The following PRRC2C variants were observed in gnomAD, a reference collection of about 807,000 sequenced individuals.
PRRC2C encodes the protein protein PRRC2C.
In PRRC2C, 72 loss-of-function variants were observed where a neutral mutation model predicts 317.2. The observed-to-expected ratio is 0.23, with a 90% CI of 0.19 to 0.28. The LOEUF (loss-of-function observed/expected upper bound fraction) is 0.28. Among genes scored for constraint, PRRC2C ranks in the 10% least tolerant of loss-of-function variants. The probability of loss-of-function intolerance (pLI) is 1.00; values close to 1 mark genes in which losing one functional copy is unlikely to be tolerated. For synonymous variants in PRRC2C, 1,296 were observed against 1,205.9 expected (o/e 1.07, Z -1.55); for missense variants, 3,074 against 3,459.7 (o/e 0.89, Z 2.80).
chr1:171,583,374 A>AG (rs869294326), intron 28 of PRRC2C, among the ~76,000 whole-genome samples: 1 of 136 alleles, frequency 7.4e-3, no homozygotes, highest in Non-Finnish European at 0.013. Flanking sequence ...ACATTAGGCT[A>AG]GGCTACGCAG....
intron 1 of PRRC2C, among the ~76,000 whole-genome samples, chr1:171,490,160 G>A (rs189987607): frequency 3.3e-5 from 5 of 152,156 alleles, no homozygotes; most frequent in Admixed American, 2.0e-4. Flanking sequence ...CTCGTGATCC[G>A]CCCACCTTGG....
At chr1:171,516,076 C>A (rs557998154) in intron 5 of PRRC2C, among the ~76,000 whole-genome samples, 109 of 152,298 alleles carry the variant, frequency 7.2e-4, no homozygotes, top group Admixed American at 1.2e-3. Context: ...TCGCATCCAA[C>A]TTACTAAATC....
At chr1:171,516,196 C>G (rs1672327964) in intron 5 of PRRC2C, among the ~76,000 whole-genome samples, 1 of 152,138 alleles carries the variant, frequency 6.6e-6, no homozygotes, top group Non-Finnish European at 1.5e-5. Flanking sequence ...TATTTACTTA[C>G]TACTGTATTA....
chr1:171,579,545 T>C, intron 27 of PRRC2C, 79 bp downstream of exon 27: 1 of 1,494,502 alleles, frequency 6.7e-7, no homozygotes, highest in Non-Finnish European at 8.9e-7. Context: ...GGAACATAAA[T>C]AATAGACTCT....
chr1:171,568,278 C>G lies in PRRC2C; in HGVS notation c.6590C>G (p.Ser2197Cys). 1 of 1,610,698 alleles carries G rather than the reference C, an allele frequency of 6.2e-7. No individual in the cohort carries two copies. Among genetic ancestry groups the G allele is most frequent in the Non-Finnish European group, 8.5e-7 (1 of 1,178,300 alleles). The change falls in exon 23 of 35, where the codon TCT becomes TGT. Residue 2197 changes from serine to cysteine, a missense_variant. Coordinates refer to ENST00000647382, the MANE Select transcript of PRRC2C (RefSeq NM_001387844.1). ...ESVTDYTTPSSSLPNTVATNN... is the reference protein window; with the variant it reads ...ESVTDYTTPSCSLPNTVATNN... ...GTAACAGACTATACTACACCCTCTT[C>G]TTCTTTGCCTAACACCGTGGCTACT...
chr1:171,511,280 T>C (rs1217913910), intron 1 of PRRC2C: 1 of 152,206 alleles, frequency 6.6e-6, no homozygotes. Context: ...ACATAATTTT[T>C]CTTTTTTGCC....
intron 9 of PRRC2C, among the ~76,000 whole-genome samples, chr1:171,524,448 C>T (rs1414255820): frequency 1.3e-5 from 2 of 152,132 alleles, no homozygotes; most frequent in African/African-American, 4.8e-5. Context: ...TGAAAAAATA[C>T]TGTAGTTTGA....
At chr1:171,503,544 C>T (rs989796143) in intron 1 of PRRC2C, among the ~76,000 whole-genome samples, 1 of 151,512 alleles carries the variant, frequency 6.6e-6, no homozygotes, top group African/African-American at 2.4e-5. Context: ...AAAGAAACTG[C>T]CAAATTGTTT....
At position 171,540,615 on chromosome 1, in the gene PRRC2C, T is replaced by C. The variant is rs1356979192; in HGVS notation, c.3149T>C (p.Val1050Ala). ...GAAAAGGTCACTGAAAAAGTAGTTG[T>C]AAAGCCTGAAAAGACGGAAAAGAAG... ...KAEKVTEKVVVKPEKTEKKDL... is the reference protein window; with the variant it reads ...KAEKVTEKVVAKPEKTEKKDL... The change falls in exon 16 of 35, where the codon GTA becomes GCA. Residue 1050 changes from valine to alanine, a missense_variant. Around this residue, in one of 11 missense-constraint regions of PRRC2C, gnomAD observed 1,320 missense variants for 1,395.7 expected, o/e 0.95. Coordinates refer to ENST00000647382, the MANE Select transcript of PRRC2C (RefSeq NM_001387844.1). The C allele has an allele frequency of 1.9e-6, 3 of 1,613,910 alleles. No homozygotes were observed. Among genetic ancestry groups the C allele is most frequent in the Non-Finnish European group, 2.5e-6 (3 of 1,179,894 alleles).
At chr1:171,561,498 G>C (rs747164694) in intron 20 of PRRC2C, among the ~76,000 whole-genome samples, 2 of 152,056 alleles carry the variant, frequency 1.3e-5, no homozygotes, top group Non-Finnish European at 2.9e-5. Context: ...TAACTTGGAG[G>C]GCAATTAAAA....
chr1:171,511,800 C>A, intron 1 of PRRC2C: 2 of 203,326 alleles, frequency 9.8e-6, no homozygotes, highest in Non-Finnish European at 2.0e-5. Context: ...GAATTATAAC[C>A]CTTATTCTCT....
Position 171,561,016 on chromosome 1 carries a change from A to G in PRRC2C, c.6032-2A>G, listed in dbSNP as rs779196854. 6.3e-7 allele frequency: 1 copy of G among 1,583,566 alleles called. No individual in the cohort carries two copies. Among genetic ancestry groups the G allele is most frequent in the Admixed American group, 1.7e-5 (1 of 59,982 alleles). On this transcript the variant is annotated splice_acceptor_variant, in intron 19 of 34. Coordinates refer to ENST00000647382, the MANE Select transcript of PRRC2C (RefSeq NM_001387844.1). LOFTEE classifies it high-confidence loss of function. ...ATGTTTTTTATGGCTTCTTCTTTCC[A>G]GTAGGTCCCATTAGTCCACCACAGC... is the stretch of plus-strand genomic sequence containing the variant.
chr1:171,567,510 A>G (rs1683904172), intron 22 of PRRC2C, among the ~76,000 whole-genome samples: 1 of 152,232 alleles, frequency 6.6e-6, no homozygotes, highest in South Asian at 2.1e-4. Context: ...ATACAGCTGA[A>G]TTCATATAAG....
chr1:171,523,038 AC>A (rs1451342077), intron 7 of PRRC2C, among the ~76,000 whole-genome samples, 182 bp from the exon 8 acceptor site: 3 of 152,188 alleles, frequency 2.0e-5, no homozygotes, highest in Non-Finnish European at 4.4e-5. Context: ...CTTAAGAGTT[AC>A]GTATTATCCT....
At chr1:171,487,750 T>C (rs1232366630) in intron 1 of PRRC2C, among the ~76,000 whole-genome samples, 1 of 152,168 alleles carries the variant, frequency 6.6e-6, no homozygotes, top group Non-Finnish European at 1.5e-5. Context: ...GCTTAGTGCA[T>C]AGTAAAAGGT....
At chr1:171,494,425 A>G (rs1667737186) in intron 1 of PRRC2C, among the ~76,000 whole-genome samples, 1 of 152,138 alleles carries the variant, frequency 6.6e-6, no homozygotes, top group South Asian at 2.1e-4. Flanking sequence ...AATTCAACAT[A>G]TGGTGGTATT....
chr1:171,585,484 T>C (rs1649675033), intron 30 of PRRC2C, among the ~76,000 whole-genome samples: 1 of 152,230 alleles, frequency 6.6e-6, no homozygotes, highest in African/African-American at 2.4e-5. Flanking sequence ...ATAACTGTTG[T>C]TGTTTGCTAT....
At position 171,532,781 on chromosome 1, in the gene PRRC2C, AAAG is replaced by A. The variant is rs751039405; in HGVS notation, c.1696_1698del (p.Glu566del). ...AATGGAGAAAGAAAGAAAGCAAGAA[AAAG>A]AAAAAGAACTAGAACGGCAGAAAGA... On this transcript the variant is annotated inframe_deletion, in exon 12 of 35. Coordinates refer to ENST00000647382, the MANE Select transcript of PRRC2C (RefSeq NM_001387844.1). 1.6e-4 allele frequency: 241 copies of A among 1,539,406 alleles called. No individual in the cohort carries two copies. Among genetic ancestry groups the A allele is most frequent in the Non-Finnish European group, 2.0e-4 (226 of 1,147,230 alleles).
intron 18 of PRRC2C, among the ~76,000 whole-genome samples, chr1:171,554,260 A>G (rs1680901520): frequency 6.6e-6 from 1 of 152,036 alleles, no homozygotes; most frequent in South Asian, 2.1e-4. Context: ...GTTGGTTTAA[A>G]GTCTGTTTTA....
Sources: gnomAD v4.1 joint callset for allele counts (sites outside exome capture counted in the v4.1 genomes callset) on GRCh38, gnomAD v4.1.1 for gene constraint, gnomAD v4.1.1 regional missense constraint, MANE v1.5 for transcripts, NCBI Gene and HGNC (gene_info 2026-07-23, HGNC 2026-07-21) for gene names.